The following ACTN1 variants were observed in gnomAD, a reference collection of about 807,000 sequenced individuals.
ACTN1 encodes the protein actinin alpha 1.
A neutral mutation model predicts 119.6 loss-of-function variants in ACTN1; 30 were observed. The observed-to-expected ratio is 0.25, with a 90% confidence interval of 0.19 to 0.34. The LOEUF is 0.34. ACTN1 is among the 10% of genes least tolerant of loss of function. The pLI is 1.00. For synonymous variants in ACTN1, 429 were observed against 472.6 expected, an observed-to-expected ratio of 0.91 and a Z score of 1.20; for missense variants, 764 against 1,223.4, an observed-to-expected ratio of 0.62 and a Z score of 5.60.
intron 1 of ACTN1, among the ~76,000 whole-genome samples, chr14:68,967,192 A>G (rs964325572): frequency 2.6e-5 from 4 of 152,142 alleles, no homozygotes; most frequent in African/African-American, 4.8e-5. Context: ...TGAGGAGCCA[A>G]CTGGGCCTCT....
Position 68,888,775 on chromosome 14 carries a change from G to A in ACTN1, c.1234+1364C>T, listed in dbSNP as rs112096640. Among the ~76,000 whole-genome samples the A allele has an allele frequency of 8.7e-3, 1,321 of 152,166 alleles. 12 individuals carry two copies. The highest frequency in any genetic ancestry group is 0.012 in the Non-Finnish European group (823 of 67,994). On this transcript the variant is annotated intron_variant, in intron 11 of 21. Coordinates refer to ENST00000394419, the MANE Select transcript of ACTN1 (RefSeq NM_001130004.2). ...AAATCCTATTGTGAACTGCGCATGC[G>A]AGGGATCTAGGTTGTGTGCTCCTTA...
intron 8 of ACTN1, among the ~76,000 whole-genome samples, chr14:68,894,382 T>C (rs1435348919): frequency 6.6e-6 from 1 of 152,174 alleles, no homozygotes; most frequent in Non-Finnish European, 1.5e-5. Flanking sequence ...CACAGGCCTC[T>C]TCCAGACAGC....
intron 8 of ACTN1, among the ~76,000 whole-genome samples, chr14:68,894,912 T>C (rs1158193996): frequency 3.9e-5 from 6 of 151,982 alleles, no homozygotes; most frequent in African/African-American, 1.5e-4. Flanking sequence ...TGAACGTGCT[T>C]AGAATTGGAA....
intron 1 of ACTN1, among the ~76,000 whole-genome samples, chr14:68,961,546 G>A (rs991501862): frequency 2.6e-5 from 4 of 152,166 alleles, no homozygotes; most frequent in Non-Finnish European, 4.4e-5. Flanking sequence ...GCCGCCACAC[G>A]GGGCACAGGG....
chr14:68,895,382 G>A (rs956098497), intron 8 of ACTN1, among the ~76,000 whole-genome samples: 2 of 152,176 alleles, frequency 1.3e-5, no homozygotes, highest in Non-Finnish European at 2.9e-5. Flanking sequence ...AAGAAGCAAC[G>A]AAGAGGGAAA....
intron 21 of ACTN1, among the ~76,000 whole-genome samples, chr14:68,876,688 AC>A (rs1231952329): frequency 2.0e-5 from 3 of 152,184 alleles, no homozygotes; most frequent in Non-Finnish European, 4.4e-5. Flanking sequence ...CCTGGGTCCC[AC>A]AGTCCCTCTT....
In ACTN1 at chr14:68,885,370, A is replaced by C; in HGVS notation, c.1385+55T>G. The C allele has an allele frequency of 2.8e-6, 4 of 1,447,096 alleles. No homozygotes were observed. Among genetic ancestry groups the C allele is most frequent in the Non-Finnish European group, 3.7e-6 (4 of 1,081,242 alleles). 89.6% of individuals were successfully genotyped at this position (1,447,096 alleles called of 1,614,324 possible). A position where few individuals can be genotyped will look rare whatever the true frequency, so the allele number is the denominator to read the frequency against. ...ACACCCCCACCTCCCCCAGCAGCTG[A>C]GAAAGCCCAGCCTCAGCCCCTCACC... On this transcript the variant is annotated intron_variant, in intron 12 of 21. Transcript: ENST00000394419. The surrounding 1 kb of genome is among the most constrained non-coding windows in gnomAD (Gnocchi z 5.6).
At position 68,919,476 on chromosome 14, in the gene ACTN1, T is replaced by C. The variant is rs560809773; in HGVS notation, c.340+1530A>G. Among the ~76,000 whole-genome samples the C allele has an allele frequency of 2.2e-4, 34 of 152,380 alleles. No homozygotes were observed. In the South Asian group the frequency reaches 6.2e-3, roughly 28 times the overall value. ...CTAATAAAGCAAACTGTTCTTTTCT[T>C]ATTATAAGGCAGAGAACATCTTCCT... On this transcript the variant is annotated intron_variant, in intron 3 of 21. Transcript: ENST00000394419.
intron 1 of ACTN1, among the ~76,000 whole-genome samples, chr14:68,964,824 C>G (rs1036252851): frequency 1.3e-5 from 2 of 152,188 alleles, no homozygotes; most frequent in African/African-American, 4.8e-5. Context: ...CGCCACCAGG[C>G]TGCCTCTCTC....
intron 1 of ACTN1, among the ~76,000 whole-genome samples, chr14:68,950,092 G>A (rs1328979350): frequency 6.6e-6 from 1 of 152,036 alleles, no homozygotes; most frequent in African/African-American, 2.4e-5. Flanking sequence ...TCAGGAGTTC[G>A]AGACCAGCCT....
intron 9 of ACTN1, 76 bp downstream of exon 9, chr14:68,893,579 G>A: frequency 7.2e-7 from 1 of 1,386,612 alleles, no homozygotes; most frequent in Non-Finnish European, 1.0e-6. Flanking sequence ...TATGCTCCAA[G>A]GAAAGACTTG....
At chr14:68,940,008 T>C (rs1418986483) in intron 1 of ACTN1, among the ~76,000 whole-genome samples, 2 of 152,168 alleles carry the variant, frequency 1.3e-5, no homozygotes, top group African/African-American at 4.8e-5. Flanking sequence ...AGATGAGGAT[T>C]ACTAAATGGG....
At position 68,910,045 on chromosome 14, in the gene ACTN1, A is replaced by G. The variant is rs1169406798; in HGVS notation, c.428-3T>C. On this transcript the variant is annotated splice_polypyrimidine_tract_variant and splice_region_variant and intron_variant, in intron 4 of 21. Coordinates refer to ENST00000394419, the MANE Select transcript of ACTN1 (RefSeq NM_001130004.2). Reference sequence around the variant, plus strand: ...CAGCCCTTCCTTGGCTGAAGTCTCTATGGGGAAGGGGATGGGCAGCGAGGT... The same window carrying G: ...CAGCCCTTCCTTGGCTGAAGTCTCTGTGGGGAAGGGGATGGGCAGCGAGGT... 4 of 1,613,014 alleles carry G rather than the reference A, an allele frequency of 2.5e-6. No individual in the cohort carries two copies. Among genetic ancestry groups the G allele is most frequent in the Non-Finnish European group, 3.4e-6 (4 of 1,179,532 alleles).
In ACTN1 at chr14:68,893,723, A is replaced by T; in HGVS notation, c.787T>A (p.Cys263Ser). The T allele has an allele frequency of 6.2e-7, 1 of 1,614,112 alleles. No individual in the cohort carries two copies. ...TCCTGGTTGACGGCCAACACCTTGCAGATGCGATTGGCTGCTGTCTCCGCC... is the reference window on the plus strand; with the variant it reads ...TCCTGGTTGACGGCCAACACCTTGCTGATGCGATTGGCTGCTGTCTCCGCC... ...QKAETAANRI[C>S]KVLAVNQENE... is the part of the protein sequence containing the mutation. Residue 263 changes from cysteine (C) to serine (S), a missense_variant, in exon 9 of 22, where the codon TGC becomes AGC. Physicochemically the swap from Cys to Ser is moderately radical, Grantham distance 112. Around this residue, in one of 4 missense-constraint regions of ACTN1, gnomAD observed 544 missense variants for 912.0 expected, o/e 0.60. Transcript: ENST00000394419.
intron 1 of ACTN1, among the ~76,000 whole-genome samples, chr14:68,971,354 G>A (rs1235416951): frequency 1.3e-5 from 2 of 152,232 alleles, no homozygotes; most frequent in African/African-American, 4.8e-5. Context: ...TGGTTGGTTG[G>A]ATGGTTGATA....
At chr14:68,936,490 C>A in intron 1 of ACTN1, 1 of 325,074 alleles carries the variant, frequency 3.1e-6, no homozygotes, top group South Asian at 3.6e-5. Flanking sequence ...CCAAAATGTG[C>A]TGTCATTACC....
At chr14:68,954,335 TA>T (rs752987450) in intron 1 of ACTN1, among the ~76,000 whole-genome samples, 111 of 152,292 alleles carry the variant, frequency 7.3e-4, no homozygotes, top group Non-Finnish European at 1.3e-3. Flanking sequence ...TTTATTTATT[TA>T]TTTATTCTGA....
At chr14:68,956,122 G>A (rs1421402046) in intron 1 of ACTN1, among the ~76,000 whole-genome samples, 1 of 152,070 alleles carries the variant, frequency 6.6e-6, no homozygotes, top group East Asian at 1.9e-4. Context: ...CTATGATCAT[G>A]CCACTGTACT....
intron 6 of ACTN1, among the ~76,000 whole-genome samples, chr14:68,906,497 G>A (rs1442244560): frequency 6.6e-6 from 1 of 152,146 alleles, no homozygotes; most frequent in Non-Finnish European, 1.5e-5. Flanking sequence ...GGTCCCTCTG[G>A]GAAAGTCTCC....
Sources: allele counts gnomAD v4.1 joint callset (sites outside exome capture counted in the v4.1 genomes callset), GRCh38; gene constraint gnomAD v4.1.1; regional missense constraint gnomAD v4.1.1; non-coding constraint Gnocchi (gnomAD v3.1); transcripts MANE v1.5; gene names NCBI Gene and HGNC (gene_info 2026-07-23, HGNC 2026-07-21).